Variants in LINGO2 observed in about 807,000 individuals in gnomAD.
LINGO2 encodes leucine-rich repeat and immunoglobulin-like domain-containing nogo receptor-interacting protein 2.
LINGO2 carries 14 observed loss-of-function variants against 30.6 expected under a neutral mutation model. That is an observed-to-expected ratio of 0.46 (90% CI 0.30 to 0.72). LINGO2 has a LOEUF of 0.72. Among genes scored for constraint, LINGO2 ranks in the 30% least tolerant of loss-of-function variants. The pLI, the probability that LINGO2 is intolerant of heterozygous loss-of-function variation, is 0.07. For synonymous variants in LINGO2, 317 were observed against 288.5 expected (o/e 1.10, Z -1.00); for missense variants, 729 against 751.7 (o/e 0.97, Z 0.35).
rs754304541 is a variant in LINGO2 at position 28,159,848 on chromosome 9, C to T, written c.-87+135360G>A. ...TTATGATTGAATATAGTTCCTTTGC[C>T]TTCTCTTATAAGGCAACCTATTACC... On this transcript the variant is annotated intron_variant, in intron 4 of 5. Transcript: ENST00000379992. 3.9e-5 allele frequency among the ~76,000 whole-genome samples: 6 copies of T among 152,022 alleles called. No homozygotes were observed. In the East Asian group the frequency reaches 9.6e-4, roughly 24 times the overall value.
intron 1 of LINGO2, among the ~76,000 whole-genome samples, chr9:28,571,154 A>C (rs1451994798): frequency 6.6e-6 from 1 of 151,992 alleles, no homozygotes; most frequent in Non-Finnish European, 1.5e-5. Context: ...AGGTATCTTA[A>C]AAAAATACTT....
the LINGO2 span, among the ~76,000 whole-genome samples, chr9:28,927,689 T>C: frequency 6.6e-6 from 1 of 152,242 alleles, no homozygotes; most frequent in South Asian, 2.1e-4. Context: ...CCTTATCTCA[T>C]CTATTGAATA....
At chr9:28,099,535 G>A (rs1030174278) in intron 4 of LINGO2, among the ~76,000 whole-genome samples, 1 of 152,088 alleles carries the variant, frequency 6.6e-6, no homozygotes, top group Non-Finnish European at 1.5e-5. Context: ...AATTGATACT[G>A]TCCAATCTCT....
intron 3 of LINGO2, among the ~76,000 whole-genome samples, chr9:28,323,049 T>C (rs1355944417): frequency 6.6e-6 from 1 of 152,162 alleles, no homozygotes; most frequent in South Asian, 2.1e-4. Flanking sequence ...TGGAATCACA[T>C]GTTTAGATAT....
the LINGO2 span, among the ~76,000 whole-genome samples, chr9:29,091,282 C>A: frequency 4.6e-5 from 7 of 151,916 alleles, no homozygotes; most frequent in African/African-American, 1.7e-4. Context: ...TCAGTTGTGC[C>A]AATGGACCCC....
At chr9:28,976,827 T>G in the LINGO2 span, among the ~76,000 whole-genome samples, 9 of 152,156 alleles carry the variant, frequency 5.9e-5, no homozygotes, top group South Asian at 1.9e-3. Flanking sequence ...CTCTCAAGTT[T>G]TGAGGAAAAA....
the LINGO2 span, among the ~76,000 whole-genome samples, chr9:28,752,552 A>T: frequency 1.3e-5 from 2 of 152,082 alleles, no homozygotes; most frequent in African/African-American, 4.8e-5. Flanking sequence ...ATTTGGTATC[A>T]AAACTCTGTG....
intron 2 of LINGO2, among the ~76,000 whole-genome samples, chr9:28,464,202 G>A (rs887437075): frequency 2.0e-4 from 30 of 152,064 alleles, no homozygotes; most frequent in Non-Finnish European, 4.4e-4. Flanking sequence ...TACAACATAG[G>A]ATCTAAGCTA....
chr9:28,153,105 T>A (rs953971434), intron 4 of LINGO2, among the ~76,000 whole-genome samples: 7 of 152,312 alleles, frequency 4.6e-5, no homozygotes, highest in South Asian at 2.1e-4. Flanking sequence ...GCAAAATGTT[T>A]GTGTCCTATA....
At chr9:28,047,642 G>A (rs1322751102) in intron 4 of LINGO2, among the ~76,000 whole-genome samples, 1 of 150,772 alleles carries the variant, frequency 6.6e-6, no homozygotes, top group Non-Finnish European at 1.5e-5. Flanking sequence ...TATGGTGATA[G>A]TAACGGTAGC....
At chr9:28,366,342 C>T (rs1282014301) in intron 3 of LINGO2, among the ~76,000 whole-genome samples, 1 of 152,156 alleles carries the variant, frequency 6.6e-6, no homozygotes, top group Non-Finnish European at 1.5e-5. Flanking sequence ...AAAGACTCTA[C>T]CATGGAAAAC....
chr9:28,998,902 A>AT, the LINGO2 span, among the ~76,000 whole-genome samples: 1 of 151,704 alleles, frequency 6.6e-6, no homozygotes, highest in South Asian at 2.1e-4. Flanking sequence ...AATGAAGTTA[A>AT]AATTTTCTTC....
the LINGO2 span, among the ~76,000 whole-genome samples, chr9:28,701,281 T>C: frequency 6.6e-6 from 1 of 152,076 alleles, no homozygotes; most frequent in Non-Finnish European, 1.5e-5. Context: ...AGGATTTTTA[T>C]AGTTTTGTAT....
At chr9:28,552,529 T>C (rs1260000376) in intron 1 of LINGO2, among the ~76,000 whole-genome samples, 1 of 152,022 alleles carries the variant, frequency 6.6e-6, no homozygotes, top group African/African-American at 2.4e-5. Context: ...TACTGACTTT[T>C]CAATGATGTG....
At chr9:28,512,630 T>C (rs1463253105) in intron 1 of LINGO2, among the ~76,000 whole-genome samples, 1 of 6,868 alleles carries the variant, frequency 1.5e-4, no homozygotes. Context: ...TATATATATA[T>C]ATATATACAC....
rs565251816 is a variant in LINGO2 at position 28,282,734 on chromosome 9, G to A, written c.-87+12474C>T. ...GAGACTTTCTAGGAGGTATGGGTTT[G>A]AGAAATTCTACAAGTCGGAATTCTT... is the stretch of plus-strand genomic sequence containing the variant. On this transcript the variant is annotated intron_variant, in intron 4 of 5. Transcript: ENST00000379992. Among the ~76,000 whole-genome samples the A allele has an allele frequency of 2.0e-4, 30 of 152,192 alleles. No homozygotes were observed. In the South Asian group the frequency reaches 2.9e-3, roughly 15 times the overall value.
At chr9:28,188,504 ATCT>A (rs2133751684) in intron 4 of LINGO2, among the ~76,000 whole-genome samples, 1 of 152,208 alleles carries the variant, frequency 6.6e-6, no homozygotes, top group African/African-American at 2.4e-5. Context: ...TGAGATGACT[ATCT>A]TTCCTGCAAT....
intron 3 of LINGO2, among the ~76,000 whole-genome samples, chr9:28,366,235 T>C (rs1473881780): frequency 3.3e-5 from 5 of 152,144 alleles, no homozygotes; most frequent in Non-Finnish European, 7.3e-5. Context: ...TCTATAGAAA[T>C]GAAGGACTTG....
At chr9:28,938,207 C>T in the LINGO2 span, among the ~76,000 whole-genome samples, 1 of 152,150 alleles carries the variant, frequency 6.6e-6, no homozygotes, top group South Asian at 2.1e-4. Context: ...TGGAGTCACC[C>T]ATTTATTATT....
Sources: allele counts gnomAD v4.1 joint callset (sites outside exome capture counted in the v4.1 genomes callset), GRCh38; gene constraint gnomAD v4.1.1; transcripts MANE v1.5; gene names NCBI Gene and HGNC (gene_info 2026-07-23, HGNC 2026-07-21).